SLC2A5: variants seen among roughly 807,000 people sequenced by gnomAD.
SLC2A5 encodes solute carrier family 2 member 5, also known as solute carrier family 2, facilitated glucose transporter member 5.
SLC2A5 carries 56 observed loss-of-function variants against 50.3 expected under a neutral mutation model. The ratio of observed to expected loss-of-function variants is 1.11; its 90% CI spans 0.90 to 1.39. The LOEUF (loss-of-function observed/expected upper bound fraction) is 1.39, where lower values mean the gene tolerates loss of function less well. Among genes scored for constraint, SLC2A5 ranks in the 40% most tolerant of loss-of-function variants. The probability of loss-of-function intolerance (pLI) is 0.00; values close to 1 mark genes in which losing one functional copy is unlikely to be tolerated. For synonymous variants in SLC2A5, 269 were observed against 281.9 expected, an observed-to-expected ratio of 0.95 and a Z score of 0.46; for missense variants, 566 against 650.1, an observed-to-expected ratio of 0.87 and a Z score of 1.41.
chr1:9,050,979 G>A (rs1557668619), intron 3 of SLC2A5, among the ~76,000 whole-genome samples: 1 of 152,130 alleles, frequency 6.6e-6, no homozygotes, highest in Non-Finnish European at 1.5e-5. Flanking sequence ...GGGAGGAAGA[G>A]GTAAACCAAC....
At chr1:9,057,327 GA>G in intron 3 of SLC2A5, 120 bp downstream of exon 3, 2 of 322,934 alleles carry the variant, frequency 6.2e-6, no homozygotes, top group Non-Finnish European at 5.6e-6. Context: ...AAAGAAAAAA[GA>G]AAAATGACCA....
At chr1:9,055,968 G>A (rs368327646) in intron 3 of SLC2A5, among the ~76,000 whole-genome samples, 6 of 152,272 alleles carry the variant, frequency 3.9e-5, no homozygotes, top group Admixed American at 3.3e-4. Flanking sequence ...ACGGCAAATA[G>A]CCAAATAGTG....
chr1:9,077,009 G>A (rs945258594), intron 2 of SLC2A5, among the ~76,000 whole-genome samples: 1 of 151,404 alleles, frequency 6.6e-6, no homozygotes, highest in Admixed American at 6.6e-5. Flanking sequence ...GGCTGGTCTC[G>A]AACTCCTGAC....
chr1:9,049,874 T>C (rs887480188), intron 3 of SLC2A5, among the ~76,000 whole-genome samples: 2 of 152,082 alleles, frequency 1.3e-5, no homozygotes, highest in Non-Finnish European at 2.9e-5. Context: ...GCCGTGCTCA[T>C]GCCCGTAATC....
chr1:9,073,913 C>G (rs1642252912), upstream of SLC2A5, among the ~76,000 whole-genome samples: 1 of 152,192 alleles, frequency 6.6e-6, no homozygotes, highest in Admixed American at 6.5e-5. Context: ...AACCCGGTCT[C>G]TATTAAAAAT....
intron 4 of SLC2A5, 100 bp from the exon 5 acceptor site, chr1:9,042,037 C>T: frequency 7.0e-7 from 1 of 1,431,384 alleles, no homozygotes; most frequent in East Asian, 2.5e-5. Context: ...TTATTTGGGC[C>T]AGAACTCTCT....
chr1:9,076,452 T>TC (rs940913999), intron 2 of SLC2A5, among the ~76,000 whole-genome samples: 2 of 152,210 alleles, frequency 1.3e-5, no homozygotes, highest in Non-Finnish European at 2.9e-5. Flanking sequence ...CAGTCATTTC[T>TC]CCCCTTAAGC....
chr1:9,056,400 G>C (rs922984398), intron 3 of SLC2A5, among the ~76,000 whole-genome samples: 16 of 152,056 alleles, frequency 1.1e-4, no homozygotes, highest in African/African-American at 3.4e-4. Flanking sequence ...GGCCAGGCTG[G>C]TCTCCAACTC....
At chr1:9,052,211 G>C (rs1292160533) in intron 3 of SLC2A5, among the ~76,000 whole-genome samples, 1 of 152,188 alleles carries the variant, frequency 6.6e-6, no homozygotes, top group Non-Finnish European at 1.5e-5. Flanking sequence ...TTGAACATGG[G>C]AGGCAGAGGT....
chr1:9,049,242 CGTGA>C, intron 3 of SLC2A5: 2 of 455,162 alleles, frequency 4.4e-6, no homozygotes, highest in South Asian at 1.6e-5. Flanking sequence ...ACTTGCCACA[CGTGA>C]GAGCCGCTTA....
chr1:9,079,440 C>T (rs976255011), intron 2 of SLC2A5, among the ~76,000 whole-genome samples: 1 of 152,236 alleles, frequency 6.6e-6, no homozygotes, highest in Non-Finnish European at 1.5e-5. Context: ...GGGCTTCTGT[C>T]GGTTACACAT....
chr1:9,090,339 T>C (rs1267826696), upstream of SLC2A5, among the ~76,000 whole-genome samples: 1 of 152,106 alleles, frequency 6.6e-6, no homozygotes, highest in African/African-American at 2.4e-5. Context: ...CATTCTCCAA[T>C]CCAAATTTCA....
chr1:9,061,288 AAAAAAAAG>A (rs1169191228), intron 1 of SLC2A5, among the ~76,000 whole-genome samples: 1 of 145,780 alleles, frequency 6.9e-6, no homozygotes, highest in Admixed American at 7.5e-5. Flanking sequence ...TCTCAAAAAA[AAAAAAAAG>A]AAAAAAGAAA....
At chr1:9,042,050 A>G in intron 4 of SLC2A5, 113 bp from the exon 5 acceptor site, 1 of 1,391,582 alleles carries the variant, frequency 7.2e-7, no homozygotes, top group Non-Finnish European at 9.5e-7. Flanking sequence ...AACTCTCTCA[A>G]AACTGCAAAG....
chr1:9,037,486 T>C lies in SLC2A5; in HGVS notation c.*100A>G, dbSNP rs1419652611. ...ATGAGGACTGCATTCCACATCAGAG[T>C]TGTTTTATTTCTGGATATTCACAGA... On this transcript the variant is annotated 3_prime_UTR_variant, in exon 12 of 12. Transcript: ENST00000377424. 6.2e-6 allele frequency: 6 copies of C among 974,912 alleles called. No homozygotes were observed. In the East Asian group the frequency reaches 1.4e-4, roughly 23 times the overall value. 60.4% of individuals were successfully genotyped at this position (974,912 alleles called of 1,614,324 possible).
rs1345259092 is a variant in SLC2A5, at chr1:9,036,492, A to C, written c.*1094T>G. 6.6e-6 allele frequency: 1 copy of C among 152,234 alleles called. No homozygotes were observed. The highest frequency in any genetic ancestry group is 6.6e-5 in the Admixed American group (1 of 15,266). The allele number at this position is 152,234 out of a possible 1,614,324, so 9.4% of individuals were successfully genotyped here. A position where few individuals can be genotyped will look rare whatever the true frequency, so the allele number is the denominator to read the frequency against. On this transcript the variant is annotated 3_prime_UTR_variant, in exon 12 of 12. Transcript: ENST00000377424. The stretch of plus-strand genomic sequence containing the variant: ...TCTTCGAGATGCTGGGGATTCAGGC[A>C]TAAACAAAACTGACCAAGCCCCTGC...
intron 1 of SLC2A5, among the ~76,000 whole-genome samples, chr1:9,065,560 G>A (rs1027944623): frequency 6.6e-6 from 1 of 152,210 alleles, no homozygotes; most frequent in African/African-American, 2.4e-5. Context: ...AGTGGGAGGG[G>A]CAGGGAGAGA....
intron 1 of SLC2A5, among the ~76,000 whole-genome samples, chr1:9,059,136 CTTTTTT>C (rs869052429): frequency 1.9e-5 from 1 of 53,926 alleles, no homozygotes; most frequent in Non-Finnish European, 3.1e-5. Flanking sequence ...GCCTTTCTTT[CTTTTTT>C]TTTTTTTTTT....
upstream of SLC2A5, chr1:9,073,194 G>A (rs1195516341): frequency 6.6e-6 from 1 of 152,116 alleles, no homozygotes; most frequent in Non-Finnish European, 1.5e-5. Context: ...GTTTTGCCAC[G>A]GGCCTCTTTT....
Sources: gnomAD v4.1 joint callset for allele counts (sites outside exome capture counted in the v4.1 genomes callset) on GRCh38, gnomAD v4.1.1 for gene constraint, MANE v1.5 for transcripts, NCBI Gene and HGNC (gene_info 2026-07-23, HGNC 2026-07-21) for gene names.